The following QRICH1 variants were observed in gnomAD, a reference collection of about 807,000 sequenced individuals.
QRICH1 encodes glutamine rich 1.
In QRICH1, 16 loss-of-function variants were observed where a neutral mutation model predicts 87.1. That is an observed-to-expected ratio of 0.18 (90% CI 0.12 to 0.28). The LOEUF (loss-of-function observed/expected upper bound fraction) is 0.28, where lower values mean the gene tolerates loss of function less well. Ranked by LOEUF, QRICH1 falls within the 10% of genes least tolerant of loss-of-function variation. The pLI is 1.00. For synonymous variants in QRICH1, 367 were observed against 368.4 expected (o/e 1.00, Z 0.05); for missense variants, 647 against 951.7 (o/e 0.68, Z 4.21).
intron 3 of QRICH1, among the ~76,000 whole-genome samples, chr3:49,054,405 C>A (rs1293589067): frequency 6.6e-6 from 1 of 152,176 alleles, no homozygotes; most frequent in Non-Finnish European, 1.5e-5. Context: ...TACCACAAAT[C>A]TAGGAAATTC....
At position 49,035,178 on chromosome 3, in the gene QRICH1, C is replaced by T. The variant is rs143996023; in HGVS notation, c.1787-1950G>A. ...TCAGCAAAGAAGGATTCAAGGAATC[C>T]TCTCACCTCAGCCTCCCTAGTAGCT... On this transcript the variant is annotated intron_variant, in intron 6 of 9. Coordinates refer to ENST00000395443, the MANE Select transcript of QRICH1 (RefSeq NM_198880.3). Among the ~76,000 whole-genome samples, 12 of 152,270 alleles carry T rather than the reference C, an allele frequency of 7.9e-5. No individual in the cohort carries two copies. The East Asian group carries it at 2.3e-3, about 29-fold the overall frequency.
At position 49,039,735 on chromosome 3, in the gene QRICH1, TAAAAAC is replaced by T. The variant is rs200037637; in HGVS notation, c.1786+4649_1786+4654del. ...AGGTTTAAAATGGAAAAAATAAACT[TAAAAAC>T]AAACAAAAACAAACAAAAAGGAATT... On this transcript the variant is annotated intron_variant, in intron 6 of 9. Coordinates refer to ENST00000395443, the MANE Select transcript of QRICH1 (RefSeq NM_198880.3). Among the ~76,000 whole-genome samples the T allele has an allele frequency of 5.5e-4, 81 of 147,854 alleles. 1 individual carries two copies. In the East Asian group the frequency reaches 0.015, roughly 27 times the overall value.
At chr3:49,086,458 C>T (rs1234644908) in intron 1 of QRICH1, among the ~76,000 whole-genome samples, 8 of 151,842 alleles carry the variant, frequency 5.3e-5, no homozygotes, top group African/African-American at 1.7e-4. Flanking sequence ...GGGGTTTCGC[C>T]GTGTTAGCCA....
intron 2 of QRICH1, among the ~76,000 whole-genome samples, chr3:49,067,028 T>C (rs774944582): frequency 2.0e-5 from 3 of 150,606 alleles, no homozygotes; most frequent in Non-Finnish European, 4.4e-5. Flanking sequence ...ACAGAGACTC[T>C]GTCTCAAAAA....
chr3:49,041,118 C>T (rs2093307291), intron 6 of QRICH1, among the ~76,000 whole-genome samples: 1 of 152,118 alleles, frequency 6.6e-6, no homozygotes, highest in Admixed American at 6.6e-5. Flanking sequence ...CAGGCACGTG[C>T]CACCACACGC....
At chr3:49,088,300 T>C (rs1032938446) in intron 1 of QRICH1, among the ~76,000 whole-genome samples, 6 of 151,922 alleles carry the variant, frequency 3.9e-5, no homozygotes, top group African/African-American at 1.5e-4. Flanking sequence ...TTTCTTTGTA[T>C]TTTTATTTTT....
intron 2 of QRICH1, among the ~76,000 whole-genome samples, chr3:49,069,364 A>G (rs1248074514): frequency 1.3e-5 from 2 of 151,798 alleles, no homozygotes; most frequent in Non-Finnish European, 2.9e-5. Context: ...GTCCTCCCAA[A>G]GTGCTGGGAT....
intron 2 of QRICH1, among the ~76,000 whole-genome samples, chr3:49,072,405 G>C (rs1473005686): frequency 4.0e-5 from 6 of 151,836 alleles, no homozygotes; most frequent in Non-Finnish European, 5.9e-5. Context: ...GTGCGCCTGT[G>C]GTCCCATGTA....
chr3:49,048,553 C>G (rs2093352062), intron 3 of QRICH1, among the ~76,000 whole-genome samples: 1 of 151,068 alleles, frequency 6.6e-6, no homozygotes, highest in South Asian at 2.1e-4. Context: ...CTTTGGGAGG[C>G]CGAGGTGGGT....
chr3:49,077,112 A>G, intron 1 of QRICH1, 74 bp from the exon 2 acceptor site: 3 of 975,676 alleles, frequency 3.1e-6, no homozygotes, highest in Non-Finnish European at 4.2e-6. Flanking sequence ...ACCCTTGCAC[A>G]AGAGTGGAAT....
intron 2 of QRICH1, among the ~76,000 whole-genome samples, chr3:49,075,434 C>CA (rs2041932603): frequency 2.0e-5 from 3 of 151,918 alleles, no homozygotes; most frequent in Non-Finnish European, 2.9e-5. Context: ...AGTTCGAGAC[C>CA]AGCCTGGCCA....
At chr3:49,080,291 T>C (rs1044108824) in intron 1 of QRICH1, among the ~76,000 whole-genome samples, 1 of 152,096 alleles carries the variant, frequency 6.6e-6, no homozygotes, top group Non-Finnish European at 1.5e-5. Context: ...TCACATAATA[T>C]ACTGAGACTG....
rs746059690 is a variant in QRICH1, at chr3:49,046,565, G to A, written c.1531C>T (p.Arg511Ter). 2 of 1,612,898 alleles carry A rather than the reference G, an allele frequency of 1.2e-6. No individual in the cohort carries two copies. The highest frequency in any genetic ancestry group is 1.7e-6 in the Non-Finnish European group (2 of 1,179,696). ...GAGGAGATGAGATCTTCCTGGAATC[G>A]CAGCAGTTGGCGCCCTGCAACGGAA... ...LAPIGRRQLL[R>*]FQEDLISSAV... Residue 511 changes from arginine to a stop codon, truncating the protein, a stop_gained, in exon 5 of 10, where the codon CGA becomes TGA. Coordinates refer to ENST00000395443, the MANE Select transcript of QRICH1 (RefSeq NM_198880.3). LOFTEE classifies it high-confidence loss of function.
chr3:49,087,886 A>C (rs2042199600), intron 1 of QRICH1, among the ~76,000 whole-genome samples: 1 of 150,020 alleles, frequency 6.7e-6, no homozygotes, highest in African/African-American at 2.4e-5. Context: ...TATGTTTATA[A>C]GACAGACATG....
intron 6 of QRICH1, among the ~76,000 whole-genome samples, chr3:49,041,884 T>C (rs2093312347): frequency 6.6e-6 from 1 of 151,848 alleles, no homozygotes; most frequent in Non-Finnish European, 1.5e-5. Context: ...TGCCTCAGCC[T>C]CCCAAAGCTC....
intron 2 of QRICH1, among the ~76,000 whole-genome samples, chr3:49,067,499 C>T (rs1009382793): frequency 1.3e-5 from 2 of 151,570 alleles, no homozygotes; most frequent in Admixed American, 1.3e-4. Context: ...TTCCAGGAGG[C>T]GGAGCTTGCA....
chr3:49,053,173 A>G (rs1436739773), intron 3 of QRICH1, among the ~76,000 whole-genome samples: 1 of 152,076 alleles, frequency 6.6e-6, no homozygotes, highest in Non-Finnish European at 1.5e-5. Context: ...AAAATCAGGA[A>G]TGTGTAATAA....
chr3:49,074,872 G>C (rs886938277), intron 2 of QRICH1, among the ~76,000 whole-genome samples: 4 of 151,866 alleles, frequency 2.6e-5, no homozygotes, highest in South Asian at 2.1e-4. Flanking sequence ...CCAGCTACCT[G>C]GGAGGCTGAG....
chr3:49,048,519 T>G (rs758078729), intron 3 of QRICH1, among the ~76,000 whole-genome samples: 1 of 147,402 alleles, frequency 6.8e-6, no homozygotes, highest in Non-Finnish European at 1.5e-5. Context: ...CCGGGTGCAG[T>G]GGCTCACACC....
Sources: allele counts gnomAD v4.1 joint callset (sites outside exome capture counted in the v4.1 genomes callset), GRCh38; gene constraint gnomAD v4.1.1; transcripts MANE v1.5; gene names NCBI Gene and HGNC (gene_info 2026-07-23, HGNC 2026-07-21).